Variants in ADGRB3 observed in about 807,000 individuals in gnomAD.
ADGRB3 encodes the protein brain-specific angiogenesis inhibitor 3.
ADGRB3 carries 37 observed loss-of-function variants against 193.4 expected under a neutral mutation model. The observed-to-expected ratio is 0.19, with a 90% CI of 0.15 to 0.25. ADGRB3 has a LOEUF of 0.25. ADGRB3 is among the 10% of genes least tolerant of loss of function. The pLI is 1.00. For missense variants in ADGRB3, 1,637 were observed against 1,852.9 expected (o/e 0.88, Z 2.14); for synonymous variants, 690 against 644.2 (o/e 1.07, Z -1.08).
chr6:68,669,373 G>A (rs921560948), intron 3 of ADGRB3, among the ~76,000 whole-genome samples: 4 of 151,510 alleles, frequency 2.6e-5, no homozygotes, highest in African/African-American at 7.3e-5. Context: ...TTAGCCATCC[G>A]CATCTACCCC....
intron 3 of ADGRB3, among the ~76,000 whole-genome samples, chr6:68,800,283 A>C (rs1279579410): frequency 6.6e-6 from 1 of 152,198 alleles, no homozygotes; most frequent in Non-Finnish European, 1.5e-5. Flanking sequence ...GGAAGAGCAA[A>C]GTTCTGGAGG....
intron 17 of ADGRB3, among the ~76,000 whole-genome samples, chr6:69,077,888 A>G (rs986433124): frequency 6.6e-6 from 1 of 152,014 alleles, no homozygotes; most frequent in Admixed American, 6.6e-5. Flanking sequence ...CCATTGTGAC[A>G]GAACTTCTTT....
chr6:69,198,844 AAATT>A (rs1265717560), intron 17 of ADGRB3, among the ~76,000 whole-genome samples: 2 of 152,170 alleles, frequency 1.3e-5, no homozygotes, highest in Non-Finnish European at 2.9e-5. Context: ...ATACTCAGAT[AAATT>A]AATTGATTAA....
At chr6:68,902,383 G>A (rs1382971658) in intron 3 of ADGRB3, among the ~76,000 whole-genome samples, 7 of 152,018 alleles carry the variant, frequency 4.6e-5, no homozygotes, top group Admixed American at 2.0e-4. Context: ...GTAGTGTCAA[G>A]TGATTTTCAT....
intron 19 of ADGRB3, among the ~76,000 whole-genome samples, chr6:69,236,778 T>C (rs1346290710): frequency 1.3e-5 from 2 of 151,990 alleles, no homozygotes; most frequent in Non-Finnish European, 2.9e-5. Flanking sequence ...ATACAATTAA[T>C]TAGTCCATAA....
chr6:69,374,028 C>T (rs2127341657), intron 30 of ADGRB3, among the ~76,000 whole-genome samples: 1 of 152,088 alleles, frequency 6.6e-6, no homozygotes, highest in South Asian at 2.1e-4. Flanking sequence ...CCCATAAAAC[C>T]ATGTTGTTAG....
chr6:69,261,974 A>G (rs1766939949), intron 20 of ADGRB3, among the ~76,000 whole-genome samples: 1 of 152,066 alleles, frequency 6.6e-6, no homozygotes, highest in Admixed American at 6.6e-5. Context: ...TACAAGCATA[A>G]TCAACATTAG....
chr6:68,800,692 C>T (rs1582212390), intron 3 of ADGRB3, among the ~76,000 whole-genome samples: 1 of 151,194 alleles, frequency 6.6e-6, no homozygotes, highest in East Asian at 2.0e-4. Flanking sequence ...GTCGTGTAGG[C>T]TAAGTATTGA....
At chr6:69,380,892 A>G (rs1769931426) in intron 30 of ADGRB3, among the ~76,000 whole-genome samples, 11 of 151,892 alleles carry the variant, frequency 7.2e-5, no homozygotes, top group Admixed American at 7.2e-4. Context: ...ATGATGGAAT[A>G]AAATATCTCA....
chr6:68,765,440 A>C (rs1300563052), intron 3 of ADGRB3, among the ~76,000 whole-genome samples: 5 of 151,508 alleles, frequency 3.3e-5, no homozygotes, highest in Non-Finnish European at 7.4e-5. Context: ...CACCGATCGC[A>C]TTTTCTGTTC....
intron 20 of ADGRB3, among the ~76,000 whole-genome samples, chr6:69,321,365 T>A (rs1768452413): frequency 6.6e-6 from 1 of 151,768 alleles, no homozygotes; most frequent in Admixed American, 6.6e-5. Flanking sequence ...TCAGAAGAAT[T>A]GAATGATGAA....
In ADGRB3 at chr6:69,235,021, T is replaced by C; in HGVS notation, c.2608-11T>C. 4 of 1,592,000 alleles carry C rather than the reference T, an allele frequency of 2.5e-6. No homozygotes were observed. Among genetic ancestry groups the C allele is most frequent in the Non-Finnish European group, 3.4e-6 (4 of 1,162,936 alleles). On this transcript the variant is annotated splice_polypyrimidine_tract_variant and intron_variant, in intron 18 of 31. Coordinates refer to ENST00000370598, the MANE Select transcript of ADGRB3 (RefSeq NM_001704.3). ...CCAATTTGTTTCTTTTTTGTTTTGT[T>C]TAATTCACAGATCATGGAATCCTCT...
chr6:69,321,350 G>A (rs1327788454), intron 20 of ADGRB3, among the ~76,000 whole-genome samples: 2 of 151,760 alleles, frequency 1.3e-5, no homozygotes, highest in Non-Finnish European at 3.0e-5. Context: ...GGCAAGGCAG[G>A]AAAATCAGAA....
At chr6:69,034,245 T>C (rs1770799256) in intron 13 of ADGRB3, among the ~76,000 whole-genome samples, 1 of 151,910 alleles carries the variant, frequency 6.6e-6, no homozygotes, top group Admixed American at 6.6e-5. Context: ...CACCTTTTGC[T>C]TTTTCCAAAT....
intron 3 of ADGRB3, among the ~76,000 whole-genome samples, chr6:68,858,602 A>G (rs1419493132): frequency 6.6e-6 from 1 of 151,728 alleles, no homozygotes; most frequent in African/African-American, 2.4e-5. Flanking sequence ...CAAAAAAAAA[A>G]AAAAAAAAAC....
chr6:68,648,123 TG>T (rs1466073220), intron 3 of ADGRB3, among the ~76,000 whole-genome samples: 1 of 152,202 alleles, frequency 6.6e-6, no homozygotes, highest in Non-Finnish European at 1.5e-5. Flanking sequence ...GCTACACGGC[TG>T]TAAAAGTTTA....
chr6:69,303,411 A>C (rs1277646892), intron 20 of ADGRB3, among the ~76,000 whole-genome samples: 1 of 151,834 alleles, frequency 6.6e-6, no homozygotes, highest in Non-Finnish European at 1.5e-5. Context: ...CTTACACAGC[A>C]AGACTAACCC....
chr6:69,385,880 C>T (rs1423889781), intron 31 of ADGRB3, among the ~76,000 whole-genome samples: 2 of 152,112 alleles, frequency 1.3e-5, no homozygotes, highest in Admixed American at 6.6e-5. Flanking sequence ...TCACGCCCAA[C>T]ACGCAGGACG....
chr6:69,320,079 G>T (rs1337206213), intron 20 of ADGRB3, among the ~76,000 whole-genome samples: 2 of 150,654 alleles, frequency 1.3e-5, no homozygotes, highest in Non-Finnish European at 3.0e-5. Context: ...ATTTTTTGTG[G>T]TTACTGAACC....
Sources: allele counts gnomAD v4.1 joint callset (sites outside exome capture counted in the v4.1 genomes callset), GRCh38; gene constraint gnomAD v4.1.1; transcripts MANE v1.5; gene names NCBI Gene and HGNC (gene_info 2026-07-23, HGNC 2026-07-21).